Variants in MAST1 observed in about 807,000 individuals in gnomAD.
MAST1 encodes microtubule associated serine/threonine kinase 1.
MAST1 carries 40 observed loss-of-function variants against 124.6 expected under a neutral mutation model. The observed-to-expected ratio is 0.32, with a 90% confidence interval of 0.25 to 0.42. The LOEUF (loss-of-function observed/expected upper bound fraction) is 0.42, where lower values mean the gene tolerates loss of function less well. Ranked by LOEUF, MAST1 falls within the 10% of genes least tolerant of loss-of-function variation. The pLI is 1.00. For missense variants in MAST1, 1,558 were observed against 2,181.9 expected, an observed-to-expected ratio of 0.71 and a Z score of 5.70; for synonymous variants, 938 against 939.4, an observed-to-expected ratio of 1.00 and a Z score of 0.03.
chr19:12,849,522 G>A (rs1383307726), intron 7 of MAST1, among the ~76,000 whole-genome samples: 1 of 151,984 alleles, frequency 6.6e-6, no homozygotes, highest in Non-Finnish European at 1.5e-5. Context: ...AAGTTAGCCG[G>A]GCTTGGTGGC....
At chr19:12,858,341 G>C (rs1413919590) in intron 10 of MAST1, 21 bp from the exon 11 acceptor site, 1 of 1,601,986 alleles carries the variant, frequency 6.2e-7, no homozygotes, top group Non-Finnish European at 8.5e-7. Context: ...TGGTGGTGTG[G>C]TCTCCATCTT....
intron 7 of MAST1, among the ~76,000 whole-genome samples, chr19:12,851,660 G>A (rs1205443576): frequency 2.0e-5 from 3 of 151,862 alleles, no homozygotes; most frequent in Non-Finnish European, 2.9e-5. Flanking sequence ...CTCATTTTGC[G>A]TTTTTAGTGG....
intron 3 of MAST1, among the ~76,000 whole-genome samples, chr19:12,842,702 A>G (rs1478141019): frequency 6.6e-6 from 1 of 152,054 alleles, no homozygotes; most frequent in Non-Finnish European, 1.5e-5. Context: ...TCTGCGTGCG[A>G]GTGTGAATGA....
In MAST1 at chr19:12,866,302, G is replaced by GA. The variant is rs1970153088; in HGVS notation, c.2029+202dup. 6.6e-6 allele frequency among the ~76,000 whole-genome samples: 1 copy of GA among 152,178 alleles called. No homozygotes were observed. Among genetic ancestry groups the GA allele is most frequent in the South Asian group, 2.1e-4 (1 of 4,834 alleles). On this transcript the variant is annotated intron_variant, in intron 17 of 25. Coordinates refer to ENST00000251472, the MANE Select transcript of MAST1 (RefSeq NM_014975.3). The surrounding 1 kb of genome is among the most constrained non-coding windows in gnomAD (Gnocchi z 5.2). Reference sequence around the variant, plus strand: ...GGGGCTCAGGCTGAAATGTAGGTAAGAACCTGAGATTGGGCTAGGTGTGGG... The same window carrying GA: ...GGGGCTCAGGCTGAAATGTAGGTAAGAAACCTGAGATTGGGCTAGGTGTGGG...
chr19:12,869,198 C>T lies in MAST1; in HGVS notation c.2906C>T (p.Thr969Ile), dbSNP rs1168380465. ...PAVSGLRSPI[T>I]IQRSGKKYGF... ...GTCAGTGGGCTCCGCTCCCCCATCACCATCCAGCGCTCGGGCAAGAAGTAT... is the reference window on the plus strand; with the variant it reads ...GTCAGTGGGCTCCGCTCCCCCATCATCATCCAGCGCTCGGGCAAGAAGTAT... Residue 969 changes from threonine to isoleucine, a missense_variant, in exon 22 of 26, where the codon ACC (threonine) becomes ATC (isoleucine). Transcript: ENST00000251472. The T allele has an allele frequency of 6.2e-7, 1 of 1,614,212 alleles. No homozygotes were observed. The highest frequency in any genetic ancestry group is 8.5e-7 in the Non-Finnish European group (1 of 1,180,040).
chr19:12,856,429 A>G (rs1028343421), intron 10 of MAST1, among the ~76,000 whole-genome samples: 8 of 151,310 alleles, frequency 5.3e-5, no homozygotes, highest in Admixed American at 4.6e-4. Context: ...CAGCCTTCCA[A>G]GCAGCTGGGA....
intron 12 of MAST1, among the ~76,000 whole-genome samples, chr19:12,862,595 C>T (rs1970097406): frequency 6.6e-6 from 1 of 151,612 alleles, no homozygotes; most frequent in Non-Finnish European, 1.5e-5. Context: ...CACTTGTGGT[C>T]AAGAGTCCAA....
intron 1 of MAST1, among the ~76,000 whole-genome samples, chr19:12,839,331 C>T (rs1360410694): frequency 6.6e-6 from 1 of 152,104 alleles, no homozygotes; most frequent in African/African-American, 2.4e-5. Context: ...CACAGGGGCA[C>T]CACGTCGTGT....
At chr19:12,840,413 C>T (rs779295351) in intron 1 of MAST1, 33 bp from the exon 2 acceptor site, 11 of 1,477,896 alleles carry the variant, frequency 7.4e-6, no homozygotes, top group South Asian at 5.8e-5. Flanking sequence ...GGCTGCGGCC[C>T]GGCCCGGCCC....
intron 24 of MAST1, among the ~76,000 whole-genome samples, chr19:12,871,913 CAAAA>C (rs34674708): frequency 1.6e-5 from 1 of 61,052 alleles, no homozygotes; most frequent in Non-Finnish European, 3.1e-5. Flanking sequence ...TAGACTCTTT[CAAAA>C]AAAAAAAAAA....
In MAST1 at chr19:12,874,378, G is replaced by A; in HGVS notation, c.4221G>A (p.Val1407=). 2 of 1,598,286 alleles carry A rather than the reference G, an allele frequency of 1.3e-6. No homozygotes were observed. The highest frequency in any genetic ancestry group is 1.7e-6 in the Non-Finnish European group (2 of 1,179,038). ...GCACTGGCGGGATGGCCAGGGCTGTGGCCAAGGCGGCGCTGAGCCCGGTGC... is the reference window on the plus strand; with the variant it reads ...GCACTGGCGGGATGGCCAGGGCTGTAGCCAAGGCGGCGCTGAGCCCGGTGC... The part of the protein sequence containing the change: ...EDGTGGMARA[V]AKAALSPVQE... Residue 1407 remains valine (V), a synonymous_variant, in exon 26 of 26, where the codon GTG becomes GTA. Transcript: ENST00000251472. This position sits in a 1 kb window ranked among gnomAD's most constrained non-coding sequence, Gnocchi z 6.6.
chr19:12,857,918 A>T (rs1007322425), intron 10 of MAST1, among the ~76,000 whole-genome samples: 1 of 142,838 alleles, frequency 7.0e-6, no homozygotes, highest in African/African-American at 2.5e-5. Context: ...TGGGAGGCTG[A>T]GGCAGGAGAA....
At position 12,869,060 on chromosome 19, in the gene MAST1, C is replaced by T. The variant is rs1456988981; in HGVS notation, c.2774-6C>T. 3 of 1,613,074 alleles carry T rather than the reference C, an allele frequency of 1.9e-6. No homozygotes were observed. The highest frequency in any genetic ancestry group is 2.5e-6 in the Non-Finnish European group (3 of 1,179,140). The stretch of plus-strand genomic sequence containing the variant: ...CTGATTTCTGACCATGGTTGTGTGT[C>T]TGTAGTGGACCCACATGGAAGTTCA... On this transcript the variant is annotated splice_polypyrimidine_tract_variant and splice_region_variant and intron_variant, in intron 21 of 25. Coordinates refer to ENST00000251472, the MANE Select transcript of MAST1 (RefSeq NM_014975.3).
rs201548961 is a variant in MAST1 at position 12,856,304 on chromosome 19, CT to C, written c.1078-2042del. On this transcript the variant is annotated intron_variant, in intron 10 of 25. Coordinates refer to ENST00000251472, the MANE Select transcript of MAST1 (RefSeq NM_014975.3). ...ATGATTACATAGTTTTATTTTGCCACTTTTTTTTTTTTTTTTAGACAAAGTT... is the reference window on the plus strand; with the variant it reads ...ATGATTACATAGTTTTATTTTGCCACTTTTTTTTTTTTTTTAGACAAAGTT... Among the ~76,000 whole-genome samples the C allele has an allele frequency of 6.2e-3, 866 of 139,110 alleles. 1 individual carries two copies. Among genetic ancestry groups the C allele is most frequent in the Non-Finnish European group, 7.2e-3 (455 of 63,480 alleles). 91.3% of individuals were successfully genotyped at this position (139,110 alleles called of 152,430 possible).
intron 22 of MAST1, 37 bp downstream of exon 22, chr19:12,869,332 G>A: frequency 6.4e-7 from 1 of 1,565,570 alleles, no homozygotes; most frequent in African/African-American, 1.4e-5. Context: ...TCACAGAGTG[G>A]AGGGTGGTGG....
intron 7 of MAST1, 114 bp from the exon 8 acceptor site, chr19:12,851,820 T>A (rs1969963044): frequency 1.2e-5 from 9 of 767,596 alleles, no homozygotes; most frequent in Non-Finnish European, 1.9e-5. Flanking sequence ...GGCTTCAGTC[T>A]CCTCACCTGT....
At chr19:12,842,373 A>C (rs1233649464) in intron 3 of MAST1, among the ~76,000 whole-genome samples, 1 of 151,186 alleles carries the variant, frequency 6.6e-6, no homozygotes, top group Non-Finnish European at 1.5e-5. Flanking sequence ...GCTCACTGCA[A>C]TTTCCGCCTT....
chr19:12,867,941 G>A lies in MAST1; in HGVS notation c.2530G>A (p.Gly844Arg). 2.5e-6 allele frequency: 4 copies of A among 1,581,824 alleles called. No individual in the cohort carries two copies. The highest frequency in any genetic ancestry group is 3.4e-6 in the Non-Finnish European group (4 of 1,165,852). Residue 844 changes from glycine to arginine, a missense_variant, in exon 20 of 26, where the codon GGG (glycine) becomes AGG (arginine). Gly to Arg is a moderately radical substitution (Grantham distance 125). Coordinates refer to ENST00000251472, the MANE Select transcript of MAST1 (RefSeq NM_014975.3). ...DARAPKEETQ[G>R]EGTSSAGDSE... The stretch of plus-strand genomic sequence containing the variant: ...ACGGGCCCCCAAAGAGGAGACTCAA[G>A]GGGAAGGCACCTCCAGCGCCGGGGA...
At position 12,852,179 on chromosome 19, in the gene MAST1, A is replaced by G. The variant is rs1374639949; in HGVS notation, c.941A>G (p.His314Arg). Reference sequence around the variant, plus strand: ...GCCGAAGGACACGCCAAGGAGGGCCACCTTGTGAAGACGGACATCCCCCGC... The same window carrying G: ...GCCGAAGGACACGCCAAGGAGGGCCGCCTTGTGAAGACGGACATCCCCCGC... ...EAAEGHAKEG[H>R]LVKTDIPRYI... Residue 314 changes from histidine (H) to arginine (R), a missense_variant, in exon 9 of 26, where the codon CAC becomes CGC. Coordinates refer to ENST00000251472, the MANE Select transcript of MAST1 (RefSeq NM_014975.3). 1 of 1,614,024 alleles carries G rather than the reference A, an allele frequency of 6.2e-7. No homozygotes were observed. Among genetic ancestry groups the G allele is most frequent in the Non-Finnish European group, 8.5e-7 (1 of 1,180,012 alleles).
Sources: gnomAD v4.1 joint callset for allele counts (sites outside exome capture counted in the v4.1 genomes callset) on GRCh38, gnomAD v4.1.1 for gene constraint, Gnocchi (gnomAD v3.1) non-coding constraint, MANE v1.5 for transcripts, NCBI Gene and HGNC (gene_info 2026-07-23, HGNC 2026-07-21) for gene names.